The following CSMD1 variants were observed in gnomAD, a reference collection of about 807,000 sequenced individuals.
CSMD1 encodes CUB and Sushi multiple domains 1.
A neutral mutation model predicts 417.5 loss-of-function variants in CSMD1; 213 were observed. The ratio of observed to expected loss-of-function variants is 0.51; its 90% CI spans 0.46 to 0.57. The LOEUF is 0.57. Among genes scored for constraint, CSMD1 ranks in the 20% least tolerant of loss-of-function variants. CSMD1 has a pLI of 0.00. For missense variants in CSMD1, 6,923 were observed against 4,529.7 expected, an observed-to-expected ratio of 1.53 and a Z score of -15.17; for synonymous variants, 2,862 against 1,736.8, an observed-to-expected ratio of 1.65 and a Z score of -16.11.
intron 1 of CSMD1, among the ~76,000 whole-genome samples, chr8:4,985,834 G>T (rs747779961): frequency 6.6e-6 from 1 of 152,096 alleles, no homozygotes; most frequent in Non-Finnish European, 1.5e-5. Flanking sequence ...CTCACAGATG[G>T]ATTGGTCTTA....
chr8:3,295,985 G>A (rs1034834242), intron 25 of CSMD1, among the ~76,000 whole-genome samples: 1 of 152,044 alleles, frequency 6.6e-6, no homozygotes, highest in South Asian at 2.1e-4. Context: ...GTTGTACAGG[G>A]AAGAGATAGG....
At chr8:4,214,511 T>C (rs1215361846) in intron 3 of CSMD1, among the ~76,000 whole-genome samples, 1 of 152,214 alleles carries the variant, frequency 6.6e-6, no homozygotes, top group East Asian at 1.9e-4. Context: ...TTGCCCAGGT[T>C]GGTCTCAAAC....
At chr8:3,094,862 C>T (rs138695033) in intron 47 of CSMD1, among the ~76,000 whole-genome samples, 3 of 147,024 alleles carry the variant, frequency 2.0e-5, no homozygotes, top group Middle Eastern at 3.6e-3. Flanking sequence ...ATGACATTTA[C>T]TGCAACAAAA....
At chr8:4,283,625 AG>A (rs1281580394) in intron 3 of CSMD1, among the ~76,000 whole-genome samples, 1 of 152,216 alleles carries the variant, frequency 6.6e-6, no homozygotes, top group Non-Finnish European at 1.5e-5. Flanking sequence ...AACTTTCCCA[AG>A]AAATGTGGGT....
At chr8:3,527,869 G>C (rs1047969619) in intron 10 of CSMD1, among the ~76,000 whole-genome samples, 1 of 152,178 alleles carries the variant, frequency 6.6e-6, no homozygotes, top group African/African-American at 2.4e-5. Flanking sequence ...TTAGAAACAG[G>C]TTTCTCAGCC....
chr8:3,321,122 G>A (rs773028529), intron 23 of CSMD1, among the ~76,000 whole-genome samples: 6 of 151,936 alleles, frequency 3.9e-5, no homozygotes, highest in Non-Finnish European at 7.4e-5. Context: ...CACCGAAGGC[G>A]TGCAAAGCCC....
At chr8:3,786,157 G>T (rs1479040011) in intron 5 of CSMD1, among the ~76,000 whole-genome samples, 1 of 152,130 alleles carries the variant, frequency 6.6e-6, no homozygotes, top group Non-Finnish European at 1.5e-5. Context: ...ACACAGAGGA[G>T]CACCTGGTTT....
chr8:3,288,535 T>A (rs1419785703), intron 25 of CSMD1, among the ~76,000 whole-genome samples: 1 of 147,394 alleles, frequency 6.8e-6, no homozygotes, highest in Non-Finnish European at 1.5e-5. Flanking sequence ...TGGCAGGATG[T>A]ATGTGTCGAA....
chr8:4,086,958 T>C (rs1401308024), intron 3 of CSMD1, among the ~76,000 whole-genome samples: 3 of 152,190 alleles, frequency 2.0e-5, no homozygotes, highest in Non-Finnish European at 4.4e-5. Flanking sequence ...TTGGGTAAAT[T>C]ACCAGATTGC....
chr8:3,745,545 G>A (rs940263059), intron 6 of CSMD1, among the ~76,000 whole-genome samples: 1 of 152,172 alleles, frequency 6.6e-6, no homozygotes. Context: ...ATTTTCAGTG[G>A]TTGCCACATT....
At position 4,183,876 on chromosome 8, in the gene CSMD1, G is replaced by C. The variant is rs546381324; in HGVS notation, c.416-151777C>G. On this transcript the variant is annotated intron_variant, in intron 3 of 69. Transcript: ENST00000635120. ...CTTAAAACACTCAGTGAGTTTTTTA[G>C]TTGGGGCATGTGGACAGTTTGGCCA... is the stretch of plus-strand genomic sequence containing the variant. 1.2e-4 allele frequency among the ~76,000 whole-genome samples: 19 copies of C among 152,218 alleles called. No individual in the cohort carries two copies. In the South Asian group the frequency reaches 3.9e-3, roughly 32 times the overall value.
At chr8:3,607,724 A>G (rs920817717) in intron 8 of CSMD1, among the ~76,000 whole-genome samples, 5 of 152,234 alleles carry the variant, frequency 3.3e-5, no homozygotes, top group African/African-American at 4.8e-5. Context: ...GAACTATTCC[A>G]TATCAGTCGG....
chr8:4,917,705 G>A (rs980004403), intron 1 of CSMD1, among the ~76,000 whole-genome samples: 6 of 152,060 alleles, frequency 3.9e-5, no homozygotes, highest in Non-Finnish European at 7.4e-5. Context: ...GAGACAAACC[G>A]TATCAGTGGG....
intron 2 of CSMD1, among the ~76,000 whole-genome samples, chr8:4,525,553 G>T (rs1328145652): frequency 6.6e-6 from 1 of 152,120 alleles, no homozygotes; most frequent in Non-Finnish European, 1.5e-5. Flanking sequence ...AACCCCTAAA[G>T]GAAATGATTG....
rs1563063951 is a variant in CSMD1, at chr8:3,772,336, C to CATATATTTATAT, written c.819-18295_819-18294insATATAAATATAT. 9.1e-4 allele frequency among the ~76,000 whole-genome samples: 28 copies of CATATATTTATAT among 30,784 alleles called. 11 individuals carry two copies. Among genetic ancestry groups the CATATATTTATAT allele is most frequent in the African/African-American group, 5.2e-3 (27 of 5,242 alleles). The allele number at this position is 30,784 out of a possible 152,430, so 20.2% of individuals were successfully genotyped here. On this transcript the variant is annotated intron_variant, in intron 5 of 69. Coordinates refer to ENST00000635120, the MANE Select transcript of CSMD1 (RefSeq NM_033225.6). Reference sequence around the variant, plus strand: ...ACATACATATGTACATATATTTAGACATACATATATACATATATTTATATA... The same window carrying CATATATTTATAT: ...ACATACATATGTACATATATTTAGACATATATTTATATATACATATATACATATATTTATATA...
chr8:4,319,549 A>G (rs1300330424), intron 3 of CSMD1, among the ~76,000 whole-genome samples: 2 of 152,180 alleles, frequency 1.3e-5, no homozygotes, highest in Non-Finnish European at 2.9e-5. Flanking sequence ...TCACAGAAAT[A>G]AAGGAAACAT....
chr8:4,897,091 T>G (rs1804547931), intron 1 of CSMD1, among the ~76,000 whole-genome samples: 1 of 152,062 alleles, frequency 6.6e-6, no homozygotes, highest in Non-Finnish European at 1.5e-5. Context: ...TGCCTACAAT[T>G]TCAGGCTTGA....
At chr8:4,359,765 G>A (rs546468038) in intron 3 of CSMD1, among the ~76,000 whole-genome samples, 15 of 152,324 alleles carry the variant, frequency 9.8e-5, no homozygotes, top group Admixed American at 3.9e-4. Flanking sequence ...AAGGGTCCAC[G>A]TCAAGGAGTT....
chr8:3,269,998 C>T (rs7009441), intron 26 of CSMD1, among the ~76,000 whole-genome samples: 40,493 of 150,518 alleles, frequency 0.27, 5,694 homozygotes, highest in African/African-American at 0.34. Flanking sequence ...TCAACATGCA[C>T]GTAGACATGA....
Sources: gnomAD v4.1 joint callset for allele counts (sites outside exome capture counted in the v4.1 genomes callset) on GRCh38, gnomAD v4.1.1 for gene constraint, MANE v1.5 for transcripts, NCBI Gene and HGNC (gene_info 2026-07-23, HGNC 2026-07-21) for gene names.